FAM20A: variants seen among roughly 807,000 people sequenced by gnomAD.
FAM20A encodes the protein FAM20A golgi associated secretory pathway pseudokinase.
In FAM20A, 42 loss-of-function variants were observed where a neutral mutation model predicts 52.0. The ratio of observed to expected loss-of-function variants is 0.81; its 90% CI spans 0.63 to 1.04. The LOEUF is 1.04. Ranked by LOEUF, FAM20A falls within the 50% of genes least tolerant of loss-of-function variation. The pLI is 0.00. For synonymous variants in FAM20A, 304 were observed against 298.9 expected, an observed-to-expected ratio of 1.02 and a Z score of -0.18; for missense variants, 742 against 712.7, an observed-to-expected ratio of 1.04 and a Z score of -0.47.
chr17:68,559,800 A>G (rs574869061), intron 1 of FAM20A, among the ~76,000 whole-genome samples: 1 of 152,228 alleles, frequency 6.6e-6, no homozygotes, highest in Admixed American at 6.5e-5. Context: ...TTTTATAGGT[A>G]TGATAATATA....
chr17:68,566,633 G>A (rs960081353), intron 1 of FAM20A, among the ~76,000 whole-genome samples: 1 of 152,214 alleles, frequency 6.6e-6, no homozygotes, highest in South Asian at 2.1e-4. Flanking sequence ...TTCTCTATGA[G>A]TTTGAACATC....
At chr17:68,565,215 A>T (rs1231103117) in intron 1 of FAM20A, among the ~76,000 whole-genome samples, 1 of 151,912 alleles carries the variant, frequency 6.6e-6, no homozygotes, top group Non-Finnish European at 1.5e-5. Flanking sequence ...TACAGTGGAG[A>T]AGTGGGGCAG....
At position 68,588,004 on chromosome 17, in the gene FAM20A, C is replaced by T. The variant is rs1039982673; in HGVS notation, c.404+12259G>A. On this transcript the variant is annotated intron_variant, in intron 1 of 10. Transcript: ENST00000592554. ...TGAGTTTACAAAGCAAGCTTTAAAACCTTTGTGAGATGATACTGTATGCTT... is the reference window on the plus strand; with the variant it reads ...TGAGTTTACAAAGCAAGCTTTAAAATCTTTGTGAGATGATACTGTATGCTT... 1.6e-4 allele frequency among the ~76,000 whole-genome samples: 25 copies of T among 152,138 alleles called. 1 individual carries two copies. The highest frequency in any genetic ancestry group is 5.8e-4 in the African/African-American group (24 of 41,500).
At chr17:68,551,787 C>A in intron 4 of FAM20A, 86 bp downstream of exon 4, 1 of 914,646 alleles carries the variant, frequency 1.1e-6, no homozygotes, top group Non-Finnish European at 1.8e-6. Context: ...GGCAGAAAGA[C>A]TTTAGGTCAC....
chr17:68,557,746 AGAG>A (rs1252326412), intron 1 of FAM20A, among the ~76,000 whole-genome samples: 1 of 152,230 alleles, frequency 6.6e-6, no homozygotes, highest in African/African-American at 2.4e-5. Flanking sequence ...TGCCCAGTGC[AGAG>A]GAGAATACGG....
chr17:68,591,301 G>A (rs958374278), intron 1 of FAM20A, among the ~76,000 whole-genome samples: 3 of 152,076 alleles, frequency 2.0e-5, no homozygotes, highest in East Asian at 1.9e-4. Flanking sequence ...GGGTTTCACC[G>A]TGTTAGCCAG....
At chr17:68,554,077 CAT>C (rs957328641) in intron 3 of FAM20A, among the ~76,000 whole-genome samples, 67 of 145,646 alleles carry the variant, frequency 4.6e-4, no homozygotes, top group African/African-American at 9.5e-4. Context: ...CATATACACA[CAT>C]ATATACATAT....
chr17:68,545,021 T>A (rs1299403524), intron 4 of FAM20A, among the ~76,000 whole-genome samples: 1 of 152,266 alleles, frequency 6.6e-6, no homozygotes, highest in Non-Finnish European at 1.5e-5. Flanking sequence ...TATAAATCTT[T>A]ATGTTCCTAA....
chr17:68,542,226 C>T (rs1376381354), intron 6 of FAM20A, 61 bp from the exon 7 acceptor site: 3 of 1,581,146 alleles, frequency 1.9e-6, no homozygotes, highest in Non-Finnish European at 2.6e-6. Context: ...TGACATCTTC[C>T]TGGCCTAGGA....
chr17:68,542,074 G>A lies in FAM20A; in HGVS notation c.1020C>T (p.Leu340=). 1 of 1,614,008 alleles carries A rather than the reference G, an allele frequency of 6.2e-7. No homozygotes were observed. ...CGNPHLLEGS[L]SAFLPSLNLA... is the part of the protein sequence containing the mutation. The stretch of plus-strand genomic sequence containing the variant: ...GGTTGAGGGACGGCAGGAAGGCAGA[G>A]AGGGAACCCTCCAGCAGGTGTGGGT... Residue 340 remains leucine, a synonymous_variant, in exon 7 of 11, where the codon CTC becomes CTT. Coordinates refer to ENST00000592554, the MANE Select transcript of FAM20A (RefSeq NM_017565.4).
intron 1 of FAM20A, among the ~76,000 whole-genome samples, chr17:68,586,874 G>T (rs551406219): frequency 2.0e-5 from 3 of 152,172 alleles, no homozygotes; most frequent in African/African-American, 7.2e-5. Context: ...GATGGTTCAA[G>T]ACTTGACTTC....
At chr17:68,578,838 C>CAAAAAAAA (rs5821664) in intron 1 of FAM20A, among the ~76,000 whole-genome samples, 3 of 36,056 alleles carry the variant, frequency 8.3e-5, no homozygotes, top group African/African-American at 2.4e-4. Context: ...CTAAAAATAC[C>CAAAAAAAA]AAAAAAAAAA....
intron 1 of FAM20A, among the ~76,000 whole-genome samples, chr17:68,593,371 C>T (rs189408383): frequency 6.6e-6 from 1 of 152,334 alleles, no homozygotes; most frequent in East Asian, 1.9e-4. Flanking sequence ...TTCTTTAATG[C>T]AAGACTTCTT....
In FAM20A at chr17:68,542,040, T is replaced by C; in HGVS notation, c.1054A>G (p.Arg352Gly). 1 of 1,614,076 alleles carries C rather than the reference T, an allele frequency of 6.2e-7. No individual in the cohort carries two copies. Among genetic ancestry groups the C allele is most frequent in the African/African-American group, 1.3e-5 (1 of 75,030 alleles). ...AFLPSLNLAPRLSVPNPWIRS... is the reference protein window; with the variant it reads ...AFLPSLNLAPGLSVPNPWIRS... ...ATCCAGGGGTTGGGCACAGACAGCCTGGGGGCCAGGTTGAGGGACGGCAGG... is the reference window on the plus strand; with the variant it reads ...ATCCAGGGGTTGGGCACAGACAGCCCGGGGGCCAGGTTGAGGGACGGCAGG... The change falls in exon 7 of 11, where the codon AGG becomes GGG. Residue 352 changes from arginine to glycine, a missense_variant. Arg to Gly is a moderately radical substitution (Grantham distance 125). Transcript: ENST00000592554.
intron 1 of FAM20A, among the ~76,000 whole-genome samples, chr17:68,579,294 A>G (rs2087874796): frequency 6.6e-6 from 1 of 152,088 alleles, no homozygotes; most frequent in Non-Finnish European, 1.5e-5. Flanking sequence ...TTGATGCAGA[A>G]CCAACAGTGC....
At position 68,600,670 on chromosome 17, in the gene FAM20A, G is replaced by A; in HGVS notation, c.-4C>T. The A allele has an allele frequency of 6.5e-7, 1 of 1,541,012 alleles. No homozygotes were observed. The highest frequency in any genetic ancestry group is 8.7e-7 in the Non-Finnish European group (1 of 1,150,100). On this transcript the variant is annotated 5_prime_UTR_variant, in exon 1 of 11. The change creates a new upstream start codon in the 5' untranslated region. Coordinates refer to ENST00000592554, the MANE Select transcript of FAM20A (RefSeq NM_017565.4). This position sits in a 1 kb window ranked among gnomAD's most constrained non-coding sequence, Gnocchi z 6.2. ...GGTCCCGGCGCAGCCCCGGCATGGC[G>A]TGCTGGCCAAGGGGGACGCCGGGGG...
At chr17:68,564,399 A>T (rs915948122) in intron 1 of FAM20A, among the ~76,000 whole-genome samples, 1 of 152,218 alleles carries the variant, frequency 6.6e-6, no homozygotes, top group African/African-American at 2.4e-5. Flanking sequence ...GACCAGGTGG[A>T]TGATGATTTT....
intron 1 of FAM20A, among the ~76,000 whole-genome samples, chr17:68,581,334 A>G (rs188009522): frequency 7.7e-6 from 1 of 129,666 alleles, no homozygotes; most frequent in Admixed American, 8.0e-5. Context: ...TTGAAAAGGT[A>G]TCTCCGAAAT....
At chr17:68,583,395 T>TAGAA (rs1328233543) in intron 1 of FAM20A, among the ~76,000 whole-genome samples, 4 of 152,184 alleles carry the variant, frequency 2.6e-5, no homozygotes, top group African/African-American at 9.7e-5. Context: ...TTGCTGTTTC[T>TAGAA]GTCTTCTGGT....
Sources: gnomAD v4.1 joint callset for allele counts (sites outside exome capture counted in the v4.1 genomes callset) on GRCh38, gnomAD v4.1.1 for gene constraint, Gnocchi (gnomAD v3.1) non-coding constraint, MANE v1.5 for transcripts, NCBI Gene and HGNC (gene_info 2026-07-23, HGNC 2026-07-21) for gene names.